The following USP35 variants were observed in gnomAD, a reference collection of about 807,000 sequenced individuals.
USP35 encodes the protein ubiquitin carboxyl-terminal hydrolase 35.
A neutral mutation model predicts 83.8 loss-of-function variants in USP35; 69 were observed. The ratio of observed to expected loss-of-function variants is 0.82; its 90% CI spans 0.68 to 1.01. The LOEUF is 1.01. USP35 is among the 50% of genes least tolerant of loss of function. The pLI is 0.00. For synonymous variants in USP35, 714 were observed against 589.5 expected (o/e 1.21, Z -3.06); for missense variants, 1,503 against 1,362.5 (o/e 1.10, Z -1.62).
chr11:78,216,518 C>T (rs927766301), downstream of USP35: 5 of 152,160 alleles, frequency 3.3e-5, no homozygotes, highest in Admixed American at 2.6e-4. Context: ...AGGTCAATTT[C>T]ACCTCTCATC....
rs1273088032 is a variant in USP35 at position 78,196,922 on chromosome 11, C to T, written c.673+4C>T. On this transcript the variant is annotated splice_donor_region_variant and intron_variant, in intron 2 of 10. Coordinates refer to ENST00000529308, the MANE Select transcript of USP35 (RefSeq NM_020798.4). The surrounding 1 kb of genome is among the most constrained non-coding windows in gnomAD (Gnocchi z 4.8). ...TTCGCAGTCATCTCCTGCGCAGGTG[C>T]GTGTGCGGCCGGGGCAGGAGCGCGG... The T allele has an allele frequency of 2.8e-6, 4 of 1,442,696 alleles. No individual in the cohort carries two copies. The highest frequency in any genetic ancestry group is 3.6e-6 in the Non-Finnish European group (4 of 1,101,238). The allele number at this position is 1,442,696 out of a possible 1,614,324, so 89.4% of individuals were successfully genotyped here. A position where few individuals can be genotyped will look rare whatever the true frequency, so the allele number is the denominator to read the frequency against.
chr11:78,214,057 A>G lies in USP35; in HGVS notation c.*244A>G. 1 of 407,808 alleles carries G rather than the reference A, an allele frequency of 2.5e-6. No individual in the cohort carries two copies. The allele number at this position is 407,808 out of a possible 1,614,324, so 25.3% of individuals were successfully genotyped here. On this transcript the variant is annotated 3_prime_UTR_variant, in exon 11 of 11. Transcript: ENST00000529308. ...TCCTGGTTAACTTGAAGCAGCCGAG[A>G]TGGGCACACACGGGTCTTTGCCTCC... is the stretch of plus-strand genomic sequence containing the variant.
rs1864025313 is a variant in USP35 at position 78,214,713 on chromosome 11, A to AAGCCTAAGCAAGAGC, written c.*900_*901insAGCCTAAGCAAGAGC. On this transcript the variant is annotated 3_prime_UTR_variant, in exon 11 of 11. Coordinates refer to ENST00000529308, the MANE Select transcript of USP35 (RefSeq NM_020798.4). ...AAATAAAAGTAAGCCTAAGCAAGAG[A>AAGCCTAAGCAAGAGC]TTGTTCTTCCTTGGACTCAGGGGCT... 1 of 151,940 alleles carries AAGCCTAAGCAAGAGC rather than the reference A, an allele frequency of 6.6e-6. No homozygotes were observed. The highest frequency in any genetic ancestry group is 1.5e-5 in the Non-Finnish European group (1 of 67,944). The allele number at this position is 151,940 out of a possible 1,614,324, so 9.4% of individuals were successfully genotyped here.
chr11:78,209,740 C>A lies in USP35; in HGVS notation c.1885C>A (p.Pro629Thr), dbSNP rs1863668998. Reference sequence around the variant, plus strand: ...CATCACAGCCCGGGAGTTGCCCCCACCAACCAGTGCACAGGGGCCAGGCAG... The same window carrying A: ...CATCACAGCCCGGGAGTTGCCCCCAACAACCAGTGCACAGGGGCCAGGCAG... ...EDITARELPP[P>T]TSAQGPGRVG... The change falls in exon 10 of 11, where the codon CCA becomes ACA. Residue 629 changes from proline to threonine, a missense_variant. Pro to Thr is a conservative substitution (Grantham distance 38, BLOSUM62 -1). Coordinates refer to ENST00000529308, the MANE Select transcript of USP35 (RefSeq NM_020798.4). 6.2e-7 allele frequency: 1 copy of A among 1,614,058 alleles called. No individual in the cohort carries two copies. The highest frequency in any genetic ancestry group is 8.5e-7 in the Non-Finnish European group (1 of 1,179,988).
intron 6 of USP35, 123 bp from the exon 7 acceptor site, chr11:78,205,717 TGG>T: frequency 1.0e-6 from 1 of 992,484 alleles, no homozygotes; most frequent in Non-Finnish European, 1.5e-6. Flanking sequence ...AGAACATCTG[TGG>T]GGGGGTGTGC....
intron 1 of USP35, among the ~76,000 whole-genome samples, chr11:78,190,459 C>G (rs1412850849): frequency 1.3e-5 from 2 of 152,160 alleles, no homozygotes; most frequent in Non-Finnish European, 2.9e-5. Context: ...CTGGAAGGTA[C>G]TTTTGTGGTT....
downstream of USP35, chr11:78,215,451 T>TA (rs564742801): frequency 8.6e-4 from 131 of 152,434 alleles, no homozygotes; most frequent in Non-Finnish European, 5.0e-4. Flanking sequence ...TGTTACAATT[T>TA]AAAAAAAAGA....
chr11:78,218,416 G>A (rs1864253849), downstream of USP35: 2 of 152,730 alleles, frequency 1.3e-5, no homozygotes, highest in Admixed American at 6.5e-5. Flanking sequence ...GGGCCTCTGA[G>A]GGGACTGGGG....
chr11:78,229,562 T>C, the USP35 span, among the ~76,000 whole-genome samples: 5 of 152,200 alleles, frequency 3.3e-5, no homozygotes, highest in Admixed American at 1.3e-4. Flanking sequence ...GCCAGAAACC[T>C]GGGAGTCACC....
intron 5 of USP35, 39 bp downstream of exon 5, chr11:78,200,273 C>A (rs775599351): frequency 6.2e-7 from 1 of 1,602,400 alleles, no homozygotes; most frequent in Admixed American, 1.7e-5. Flanking sequence ...GAGGCCCCTG[C>A]CTGCTGCCCC....
chr11:78,211,066 T>C (rs1161085627), intron 10 of USP35, among the ~76,000 whole-genome samples: 1 of 152,168 alleles, frequency 6.6e-6, no homozygotes, highest in Non-Finnish European at 1.5e-5. Context: ...CCTGTATCTG[T>C]TAGCTATTCT....
intron 10 of USP35, among the ~76,000 whole-genome samples, chr11:78,213,233 G>GT (rs1426585123): frequency 3.3e-5 from 5 of 150,920 alleles, no homozygotes; most frequent in African/African-American, 1.2e-4. Context: ...TGGAGGCAGG[G>GT]TGGCGGGTAA....
chr11:78,193,893 C>T lies in USP35; in HGVS notation c.-10-2343C>T, dbSNP rs150325972. ...TCACTTAGGCTGGAGTGCAGTGGCACGATCTTGCCTTACTTCACCCTTGAC... is the reference window on the plus strand; with the variant it reads ...TCACTTAGGCTGGAGTGCAGTGGCATGATCTTGCCTTACTTCACCCTTGAC... On this transcript the variant is annotated intron_variant, in intron 1 of 10. Coordinates refer to ENST00000529308, the MANE Select transcript of USP35 (RefSeq NM_020798.4). Among the ~76,000 whole-genome samples the T allele has an allele frequency of 6.7e-3, 1,026 of 152,310 alleles. 9 individuals are homozygous for T. The highest frequency in any genetic ancestry group is 0.023 in the African/African-American group (954 of 41,534).
chr11:78,232,093 A>G, the USP35 span, among the ~76,000 whole-genome samples: 1 of 152,252 alleles, frequency 6.6e-6, no homozygotes, highest in Non-Finnish European at 1.5e-5. Flanking sequence ...GCAAAGCTGT[A>G]TATGTGAAAC....
At position 78,214,527 on chromosome 11, in the gene USP35, T is replaced by TCATGTTCCTC. The variant is rs1864006340; in HGVS notation, c.*714_*715insCATGTTCCTC. 5 of 152,230 alleles carry TCATGTTCCTC rather than the reference T, an allele frequency of 3.3e-5. No individual in the cohort carries two copies. The highest frequency in any genetic ancestry group is 3.3e-4 in the Admixed American group (5 of 15,298). The allele number at this position is 152,230 out of a possible 1,614,324, so 9.4% of individuals were successfully genotyped here. A position where few individuals can be genotyped will look rare whatever the true frequency, so the allele number is the denominator to read the frequency against. On this transcript the variant is annotated 3_prime_UTR_variant, in exon 11 of 11. Coordinates refer to ENST00000529308, the MANE Select transcript of USP35 (RefSeq NM_020798.4). ...TTACTGCAAAGGTGTTCATGTTCCTTGTGAAGTGTGGGCTCTTAGGAAGCC... is the reference window on the plus strand; with the variant it reads ...TTACTGCAAAGGTGTTCATGTTCCTTCATGTTCCTCGTGAAGTGTGGGCTCTTAGGAAGCC...
chr11:78,211,924 C>G (rs74958227), intron 10 of USP35, among the ~76,000 whole-genome samples: 1 of 152,034 alleles, frequency 6.6e-6, no homozygotes. Context: ...CCTTGTACTC[C>G]GCATAAGCTC....
the USP35 span, among the ~76,000 whole-genome samples, chr11:78,231,246 C>T: frequency 1.3e-5 from 2 of 152,190 alleles, no homozygotes; most frequent in African/African-American, 4.8e-5. Context: ...AGTGCCTTCC[C>T]TTTCCATTCC....
At chr11:78,229,663 C>T in the USP35 span, among the ~76,000 whole-genome samples, 1,195 of 152,250 alleles carry the variant, frequency 7.8e-3, 14 homozygotes, top group African/African-American at 0.027. Context: ...TTTTCAACAC[C>T]GCCTCAATGC....
chr11:78,205,706 C>A, intron 6 of USP35, 136 bp from the exon 7 acceptor site: 1 of 939,188 alleles, frequency 1.1e-6, no homozygotes, highest in Non-Finnish European at 1.6e-6. Context: ...ACACACACCC[C>A]AGAACATCTG....
Sources: allele counts gnomAD v4.1 joint callset (sites outside exome capture counted in the v4.1 genomes callset), GRCh38; gene constraint gnomAD v4.1.1; non-coding constraint Gnocchi (gnomAD v3.1); transcripts MANE v1.5; gene names NCBI Gene and HGNC (gene_info 2026-07-23, HGNC 2026-07-21).